RIT2: variants seen among roughly 807,000 people sequenced by gnomAD.
The protein encoded by RIT2 is GTP-binding protein Rit2.
Under a neutral mutation model 23.7 loss-of-function variants are expected in RIT2, and 24 were observed. The ratio of observed to expected loss-of-function variants is 1.01; its 90% CI spans 0.73 to 1.43. The LOEUF (loss-of-function observed/expected upper bound fraction) is 1.43. Among genes scored for constraint, RIT2 ranks in the 40% most tolerant of loss-of-function variants. RIT2 has a pLI of 0.00. For synonymous variants in RIT2, 107 were observed against 91.1 expected (o/e 1.17, Z -0.99); for missense variants, 236 against 266.9 (o/e 0.88, Z 0.81).
chr18:43,024,452 T>TA (rs1166190701), intron 2 of RIT2, among the ~76,000 whole-genome samples: 2 of 151,922 alleles, frequency 1.3e-5, no homozygotes, highest in Non-Finnish European at 2.9e-5. Flanking sequence ...ATATATTTTT[T>TA]AAAAAAACTA....
At chr18:42,827,614 G>A (rs1018058426) in intron 4 of RIT2, among the ~76,000 whole-genome samples, 1 of 151,894 alleles carries the variant, frequency 6.6e-6, no homozygotes, top group African/African-American at 2.4e-5. Context: ...AAATAATATG[G>A]CAAAATATAA....
chr18:42,970,117 C>T (rs1461690278), intron 3 of RIT2, among the ~76,000 whole-genome samples: 1 of 151,900 alleles, frequency 6.6e-6, no homozygotes, highest in African/African-American at 2.4e-5. Flanking sequence ...ATTTGCCGTA[C>T]TACCTTAGAT....
intron 2 of RIT2, among the ~76,000 whole-genome samples, chr18:43,013,468 G>A (rs1432659937): frequency 1.3e-5 from 2 of 151,760 alleles, no homozygotes; most frequent in African/African-American, 4.8e-5. Context: ...TTCATTATAC[G>A]CTGACAAAAT....
intron 4 of RIT2, among the ~76,000 whole-genome samples, chr18:42,908,059 G>T (rs1373531665): frequency 6.7e-6 from 1 of 149,836 alleles, no homozygotes; most frequent in East Asian, 1.9e-4. Context: ...AAAATCTCAG[G>T]ACATAAATAG....
chr18:42,780,772 C>T (rs549779154), intron 4 of RIT2, among the ~76,000 whole-genome samples: 9 of 150,760 alleles, frequency 6.0e-5, no homozygotes, highest in African/African-American at 1.2e-4. Flanking sequence ...AAGTGTAATG[C>T]GCCATGTCTG....
At chr18:43,070,034 C>A (rs1023872735) in intron 1 of RIT2, among the ~76,000 whole-genome samples, 1 of 152,082 alleles carries the variant, frequency 6.6e-6, no homozygotes, top group African/African-American at 2.4e-5. Flanking sequence ...AGAAAAGAGC[C>A]TCACACTGAG....
intron 3 of RIT2, among the ~76,000 whole-genome samples, chr18:42,930,390 A>G (rs1373721931): frequency 6.6e-6 from 1 of 152,070 alleles, no homozygotes; most frequent in Non-Finnish European, 1.5e-5. Flanking sequence ...AAATGAAGAG[A>G]AAAGAATTAT....
At chr18:43,006,493 T>C (rs1911231314) in intron 2 of RIT2, among the ~76,000 whole-genome samples, 1 of 151,436 alleles carries the variant, frequency 6.6e-6, no homozygotes, top group Non-Finnish European at 1.5e-5. Context: ...TTAAATAACA[T>C]AAATCAGAAT....
At position 43,029,285 on chromosome 18, in the gene RIT2, T is replaced by C. The variant is rs76559683; in HGVS notation, c.160+4526A>G. Among the ~76,000 whole-genome samples, 635 of 152,174 alleles carry C rather than the reference T, an allele frequency of 4.2e-3. 4 individuals are homozygous for C. Among genetic ancestry groups the C allele is most frequent in the Middle Eastern group, 0.017 (5 of 294 alleles). Reference sequence around the variant, plus strand: ...GCTAAAAGAGGAAAAGCATTCTCAGTTGAGTCAATTACAAGAGGAAGTGTT... The same window carrying C: ...GCTAAAAGAGGAAAAGCATTCTCAGCTGAGTCAATTACAAGAGGAAGTGTT... On this transcript the variant is annotated intron_variant, in intron 2 of 4. Coordinates refer to ENST00000326695, the MANE Select transcript of RIT2 (RefSeq NM_002930.4).
chr18:42,956,647 A>G (rs1017405486), intron 3 of RIT2, among the ~76,000 whole-genome samples: 1 of 152,160 alleles, frequency 6.6e-6, no homozygotes, highest in African/African-American at 2.4e-5. Flanking sequence ...GAGCAGTACC[A>G]TCAATGGGCA....
intron 2 of RIT2, among the ~76,000 whole-genome samples, chr18:43,018,899 T>A (rs1598749704): frequency 6.7e-6 from 1 of 150,184 alleles, no homozygotes; most frequent in African/African-American, 2.4e-5. Context: ...ATAAGGAAAA[T>A]AAAGAGCTCA....
At chr18:42,920,710 A>C (rs746437136) in intron 4 of RIT2, 8 of 1,594,848 alleles carry the variant, frequency 5.0e-6, no homozygotes, top group South Asian at 3.3e-5. Flanking sequence ...ATATGAAAAG[A>C]AGCAGCTTCA....
chr18:42,779,697 A>G (rs939715293), intron 4 of RIT2, among the ~76,000 whole-genome samples: 3 of 152,212 alleles, frequency 2.0e-5, no homozygotes, highest in African/African-American at 4.8e-5. Flanking sequence ...ATGAAAATGC[A>G]TGAGAGAATT....
At chr18:42,972,403 TAC>T (rs1419133848) in intron 3 of RIT2, among the ~76,000 whole-genome samples, 2 of 151,868 alleles carry the variant, frequency 1.3e-5, no homozygotes, top group African/African-American at 4.8e-5. Context: ...TAGTTGCTTG[TAC>T]ACTATCAATA....
At chr18:42,821,759 T>C (rs914549694) in intron 4 of RIT2, among the ~76,000 whole-genome samples, 2 of 152,168 alleles carry the variant, frequency 1.3e-5, no homozygotes, top group South Asian at 2.1e-4. Context: ...ATTCAGTAAA[T>C]ACTTACTAAT....
At chr18:43,050,105 C>A (rs1208441402) in intron 1 of RIT2, among the ~76,000 whole-genome samples, 1 of 149,636 alleles carries the variant, frequency 6.7e-6, no homozygotes, top group African/African-American at 2.5e-5. Context: ...TGGCTCACTG[C>A]AGGCTTGAAT....
intron 3 of RIT2, among the ~76,000 whole-genome samples, chr18:42,956,846 G>GC (rs375606424): frequency 6.6e-6 from 1 of 152,248 alleles, no homozygotes; most frequent in Non-Finnish European, 1.5e-5. Flanking sequence ...AGTTGTAATG[G>GC]CATCCTGGCG....
chr18:42,784,395 T>C (rs149213989), intron 4 of RIT2, among the ~76,000 whole-genome samples: 232 of 152,226 alleles, frequency 1.5e-3, no homozygotes, highest in African/African-American at 5.2e-3. Flanking sequence ...TGCTATTTTC[T>C]TTTAGCTGTC....
chr18:42,788,535 GGTTT>G (rs1913971631), intron 4 of RIT2, among the ~76,000 whole-genome samples: 2 of 152,034 alleles, frequency 1.3e-5, no homozygotes, highest in Non-Finnish European at 2.9e-5. Context: ...TTGAAATCAT[GGTTT>G]ACTCTCAAGT....
Sources: gnomAD v4.1 joint callset for allele counts (sites outside exome capture counted in the v4.1 genomes callset) on GRCh38, gnomAD v4.1.1 for gene constraint, MANE v1.5 for transcripts, NCBI Gene and HGNC (gene_info 2026-07-23, HGNC 2026-07-21) for gene names.